C12orf42: variants seen among roughly 807,000 people sequenced by gnomAD.
The protein encoded by C12orf42 is uncharacterized protein C12orf42.
C12orf42 carries 25 observed loss-of-function variants against 21.6 expected under a neutral mutation model. That is an observed-to-expected ratio of 1.16 (90% confidence interval 0.84 to 1.62). C12orf42 has a LOEUF of 1.62. Among genes scored for constraint, C12orf42 ranks in the 40% most tolerant of loss-of-function variants. The probability of loss-of-function intolerance (pLI) is 0.00; values close to 1 mark genes in which losing one functional copy is unlikely to be tolerated. For synonymous variants in C12orf42, 174 were observed against 175.0 expected (o/e 0.99, Z 0.05); for missense variants, 483 against 459.3 (o/e 1.05, Z -0.47).
chr12:103,080,842 A>T, the C12orf42 span: 1 of 152,226 alleles, frequency 6.6e-6, no homozygotes, highest in Non-Finnish European at 1.5e-5. Flanking sequence ...AAATCTTATG[A>T]GATGAGTAAT....
chr12:103,056,894 T>C, the C12orf42 span, among the ~76,000 whole-genome samples: 1 of 152,226 alleles, frequency 6.6e-6, no homozygotes, highest in South Asian at 2.1e-4. Context: ...ATTTATTTTG[T>C]TTGCTTAAAG....
the C12orf42 span, among the ~76,000 whole-genome samples, chr12:103,200,517 A>C: frequency 6.6e-6 from 1 of 152,204 alleles, no homozygotes; most frequent in East Asian, 1.9e-4. Context: ...GAGCAGGAGG[A>C]AACTTTTAGA....
intron 2 of C12orf42, among the ~76,000 whole-genome samples, chr12:103,453,152 T>G (rs927696780): frequency 5.3e-5 from 8 of 151,672 alleles, no homozygotes; most frequent in Non-Finnish European, 1.2e-4. Context: ...ATAAAAGAAG[T>G]GTTAACTCCC....
intron 1 of C12orf42, 156 bp downstream of exon 1, chr12:103,495,746 G>A (rs990823894): frequency 4.0e-5 from 6 of 150,308 alleles, no homozygotes; most frequent in African/African-American, 1.5e-4. Context: ...GGCGACCACC[G>A]CGACGGGTTC....
chr12:103,458,091 TA>T (rs1159243396), intron 2 of C12orf42, among the ~76,000 whole-genome samples: 1 of 152,138 alleles, frequency 6.6e-6, no homozygotes, highest in Non-Finnish European at 1.5e-5. Context: ...ACAGGGCAAT[TA>T]AAGTCAAGAC....
At chr12:103,163,456 C>T in the C12orf42 span, among the ~76,000 whole-genome samples, 1 of 152,084 alleles carries the variant, frequency 6.6e-6, no homozygotes, top group Non-Finnish European at 1.5e-5. Context: ...ATTGTGTGCT[C>T]CAGGACTGCC....
intron 3 of C12orf42, among the ~76,000 whole-genome samples, chr12:103,373,151 TTTTTC>T (rs2045406384): frequency 6.6e-6 from 1 of 152,102 alleles, no homozygotes; most frequent in African/African-American, 2.4e-5. Context: ...ACCCCCACCT[TTTTTC>T]TTTTAAGATG....
intron 3 of C12orf42, among the ~76,000 whole-genome samples, chr12:103,385,349 G>T (rs147247417): frequency 1.3e-5 from 2 of 152,162 alleles, no homozygotes; most frequent in African/African-American, 4.8e-5. Context: ...AAATGTATAC[G>T]CCTGGAACTG....
At chr12:103,338,043 C>T (rs1023068019) in intron 4 of C12orf42, among the ~76,000 whole-genome samples, 7 of 152,132 alleles carry the variant, frequency 4.6e-5, no homozygotes, top group Non-Finnish European at 7.3e-5. Flanking sequence ...TATTTAGTTG[C>T]AGTCTTATCT....
intron 10 of C12orf42, among the ~76,000 whole-genome samples, chr12:103,250,926 A>G (rs2034269297): frequency 6.6e-6 from 1 of 151,598 alleles, no homozygotes; most frequent in African/African-American, 2.4e-5. Context: ...GAATGAGTCC[A>G]TCTACTCCCA....
At chr12:103,261,737 G>A (rs1417014492) in intron 10 of C12orf42, among the ~76,000 whole-genome samples, 1 of 151,802 alleles carries the variant, frequency 6.6e-6, no homozygotes, top group African/African-American at 2.4e-5. Context: ...CCTGTACTTT[G>A]TTTCAGAAAT....
chr12:103,530,339 C>T, the C12orf42 span, among the ~76,000 whole-genome samples: 5 of 152,182 alleles, frequency 3.3e-5, no homozygotes, highest in East Asian at 1.9e-4. Context: ...AAGGCGGTGG[C>T]GTGTGTTGGG....
At chr12:103,175,970 T>C in the C12orf42 span, among the ~76,000 whole-genome samples, 8 of 152,200 alleles carry the variant, frequency 5.3e-5, no homozygotes, top group Admixed American at 5.2e-4. Flanking sequence ...CACTGGACAC[T>C]GATCCTCCAT....
At chr12:103,533,434 G>A in the C12orf42 span, among the ~76,000 whole-genome samples, 1 of 152,080 alleles carries the variant, frequency 6.6e-6, no homozygotes, top group Non-Finnish European at 1.5e-5. Context: ...TCTCAGCTCA[G>A]ACACATTTTC....
the C12orf42 span, among the ~76,000 whole-genome samples, chr12:103,114,106 C>T: frequency 5.3e-5 from 8 of 152,014 alleles, no homozygotes; most frequent in African/African-American, 1.7e-4. Flanking sequence ...CCTTTAATAC[C>T]GTGACTAGTA....
At chr12:103,386,490 T>C (rs549850760) in intron 3 of C12orf42, among the ~76,000 whole-genome samples, 1 of 152,320 alleles carries the variant, frequency 6.6e-6, no homozygotes, top group South Asian at 2.1e-4. Context: ...AACTGATCAA[T>C]GTCACATCCA....
chr12:103,338,610 A>C (rs78826008), intron 4 of C12orf42, among the ~76,000 whole-genome samples: 1 of 152,166 alleles, frequency 6.6e-6, no homozygotes, highest in Non-Finnish European at 1.5e-5. Context: ...CCTCCACAAG[A>C]TAAGAGCCTC....
At chr12:103,127,645 C>T in the C12orf42 span, among the ~76,000 whole-genome samples, 2 of 152,092 alleles carry the variant, frequency 1.3e-5, no homozygotes, top group Non-Finnish European at 2.9e-5. Context: ...TTGTTTGTCA[C>T]AACTGGACAG....
the C12orf42 span, among the ~76,000 whole-genome samples, chr12:103,506,848 TATTTATATA>T: frequency 2.0e-4 from 17 of 85,974 alleles, no homozygotes; most frequent in East Asian, 9.2e-4. Flanking sequence ...TATATATATA[TATTTATATA>T]TTATATATAT....
Sources: allele counts gnomAD v4.1 joint callset (sites outside exome capture counted in the v4.1 genomes callset), GRCh38; gene constraint gnomAD v4.1.1; transcripts MANE v1.5; gene names NCBI Gene and HGNC (gene_info 2026-07-23, HGNC 2026-07-21).